The following ZHX3 variants were observed in gnomAD, a reference collection of about 807,000 sequenced individuals.
ZHX3 encodes the protein zinc fingers and homeoboxes 3.
ZHX3 carries 20 observed loss-of-function variants against 64.5 expected under a neutral mutation model. The ratio of observed to expected loss-of-function variants is 0.31; its 90% CI spans 0.22 to 0.45. The LOEUF (loss-of-function observed/expected upper bound fraction) is 0.45. Among genes scored for constraint, ZHX3 ranks in the 20% least tolerant of loss-of-function variants. The probability of loss-of-function intolerance (pLI) is 1.00; values close to 1 mark genes in which losing one functional copy is unlikely to be tolerated. For missense variants in ZHX3, 1,041 were observed against 1,195.8 expected (o/e 0.87, Z 1.91); for synonymous variants, 423 against 461.6 (o/e 0.92, Z 1.07).
intron 2 of ZHX3, among the ~76,000 whole-genome samples, chr20:41,262,066 A>T (rs1379226587): frequency 1.3e-5 from 2 of 152,104 alleles, no homozygotes; most frequent in Non-Finnish European, 2.9e-5. Flanking sequence ...AATCTCCACC[A>T]TGGCAGGCAT....
chr20:41,305,062 G>A (rs1487743262), intron 1 of ZHX3, among the ~76,000 whole-genome samples: 1 of 152,200 alleles, frequency 6.6e-6, no homozygotes, highest in Non-Finnish European at 1.5e-5. Context: ...ATATTTGAAT[G>A]TCTCAACAAC....
intron 1 of ZHX3, among the ~76,000 whole-genome samples, chr20:41,272,963 A>G (rs1049893353): frequency 2.4e-4 from 37 of 152,322 alleles, no homozygotes; most frequent in African/African-American, 8.7e-4. Context: ...TGTTTCCCAC[A>G]GTGGCTTCAA....
intron 1 of ZHX3, among the ~76,000 whole-genome samples, chr20:41,306,755 C>T (rs190209224): frequency 2.1e-4 from 32 of 152,344 alleles, no homozygotes; most frequent in Admixed American, 3.9e-4. Flanking sequence ...ATGCTATCTT[C>T]TGTGAACTAT....
At chr20:41,214,973 G>GGGCCAGA (rs1568838723) in intron 2 of ZHX3, among the ~76,000 whole-genome samples, 1 of 152,134 alleles carries the variant, frequency 6.6e-6, no homozygotes, top group Admixed American at 6.5e-5. Context: ...TCTTTAAATG[G>GGGCCAGA]GGCCAGAGCA....
chr20:41,228,249 G>A lies in ZHX3; in HGVS notation c.-150-23183C>T, dbSNP rs1186659902. Reference sequence around the variant, plus strand: ...AGTTCCAAATCCATTACTTCCAACTGCCATTGATCCCTGCAGGTTTTAAAA... The same window carrying A: ...AGTTCCAAATCCATTACTTCCAACTACCATTGATCCCTGCAGGTTTTAAAA... On this transcript the variant is annotated intron_variant, in intron 2 of 3. Transcript: ENST00000683867. This position sits in a 1 kb window ranked among gnomAD's most constrained non-coding sequence, Gnocchi z 4.6. Among the ~76,000 whole-genome samples the A allele has an allele frequency of 6.6e-6, 1 of 152,070 alleles. No homozygotes were observed. Among genetic ancestry groups the A allele is most frequent in the Admixed American group, 6.6e-5 (1 of 15,260 alleles).
chr20:41,233,678 A>G (rs999995894), intron 2 of ZHX3, among the ~76,000 whole-genome samples: 1 of 152,238 alleles, frequency 6.6e-6, no homozygotes, highest in African/African-American at 2.4e-5. Flanking sequence ...AAGGCTCTAC[A>G]TGCCAAGAAC....
At chr20:41,231,347 C>T (rs1223483226) in intron 2 of ZHX3, among the ~76,000 whole-genome samples, 1 of 152,168 alleles carries the variant, frequency 6.6e-6, no homozygotes, top group African/African-American at 2.4e-5. Context: ...TCACTCAAGT[C>T]CAAGCCTGGT....
chr20:41,252,048 CTG>C (rs1296910692), intron 2 of ZHX3, among the ~76,000 whole-genome samples: 9 of 152,128 alleles, frequency 5.9e-5, no homozygotes, highest in African/African-American at 2.2e-4. Flanking sequence ...TTCAAGATAA[CTG>C]TATTGCTGCC....
Position 41,203,375 on chromosome 20 carries a change from A to C in ZHX3, c.1542T>G (p.Cys514Trp). Residue 514 changes from cysteine (C) to tryptophan (W), a missense_variant, in exon 3 of 4, where the codon TGT becomes TGG. Coordinates refer to ENST00000683867, the MANE Select transcript of ZHX3 (RefSeq NM_001384317.1). This position sits in a 1 kb window ranked among gnomAD's most constrained non-coding sequence, Gnocchi z 7.1. ...EQLSALKGSF[C>W]RNQFPGQSEV... ...CGCTCTGCCCTGGGAACTGGTTCCG[A>C]CAGAAGCTCCCTTTCAGAGCTGACA... The C allele has an allele frequency of 6.2e-7, 1 of 1,614,154 alleles. No individual in the cohort carries two copies. The highest frequency in any genetic ancestry group is 8.5e-7 in the Non-Finnish European group (1 of 1,180,024).
chr20:41,206,301 C>T (rs779240219), intron 2 of ZHX3, among the ~76,000 whole-genome samples: 15 of 152,148 alleles, frequency 9.9e-5, no homozygotes, highest in Non-Finnish European at 1.8e-4. Flanking sequence ...TGGAGAATGG[C>T]TTTGATGAGT....
At chr20:41,199,124 TG>T (rs1355719778) in intron 3 of ZHX3, among the ~76,000 whole-genome samples, 4 of 152,188 alleles carry the variant, frequency 2.6e-5, no homozygotes, top group African/African-American at 9.7e-5. Flanking sequence ...TGTTCATGCA[TG>T]GTTTTCCTGA....
chr20:41,286,733 CAG>C (rs1256186167), intron 1 of ZHX3, among the ~76,000 whole-genome samples: 3 of 152,190 alleles, frequency 2.0e-5, no homozygotes, highest in Non-Finnish European at 4.4e-5. Flanking sequence ...CTGGTAATCA[CAG>C]AGTTTTGCTC....
intron 2 of ZHX3, among the ~76,000 whole-genome samples, chr20:41,236,731 A>G (rs1450046692): frequency 6.6e-6 from 1 of 152,216 alleles, no homozygotes; most frequent in Non-Finnish European, 1.5e-5. Context: ...CATGTCTAAA[A>G]CACCAAAAGC....
chr20:41,228,952 T>A lies in ZHX3; in HGVS notation c.-150-23886A>T, dbSNP rs1246739336. On this transcript the variant is annotated intron_variant, in intron 2 of 3. Transcript: ENST00000683867. The surrounding 1 kb of genome is among the most constrained non-coding windows in gnomAD (Gnocchi z 4.6). ...ATCTTAATCATTTTTAGGTGGAGAG[T>A]TCAGTAGCATTAAGTATTAACACAG... is the stretch of plus-strand genomic sequence containing the variant. Among the ~76,000 whole-genome samples the A allele has an allele frequency of 1.3e-5, 2 of 151,788 alleles. No individual in the cohort carries two copies. Among genetic ancestry groups the A allele is most frequent in the South Asian group, 4.2e-4 (2 of 4,804 alleles).
chr20:41,315,227 G>A (rs1037685168), intron 1 of ZHX3, among the ~76,000 whole-genome samples: 2 of 152,040 alleles, frequency 1.3e-5, no homozygotes, highest in Non-Finnish European at 2.9e-5. Flanking sequence ...CTGTCTCCCA[G>A]GCTGGAGTGC....
At chr20:41,218,272 C>T (rs757199250) in intron 2 of ZHX3, among the ~76,000 whole-genome samples, 1 of 151,994 alleles carries the variant, frequency 6.6e-6, no homozygotes, top group African/African-American at 2.4e-5. Context: ...AAGGAGACTC[C>T]GTCTCTACAA....
intron 3 of ZHX3, among the ~76,000 whole-genome samples, chr20:41,197,824 T>C (rs540110575): frequency 3.9e-5 from 6 of 152,296 alleles, no homozygotes; most frequent in Non-Finnish European, 7.4e-5. Flanking sequence ...ACTAATTTGT[T>C]AGTTTTACTA....
chr20:41,285,727 C>T (rs2043904584), intron 1 of ZHX3, among the ~76,000 whole-genome samples: 1 of 152,200 alleles, frequency 6.6e-6, no homozygotes, highest in African/African-American at 2.4e-5. Context: ...CTTGTTTTAG[C>T]CGTGCTGTTC....
chr20:41,283,270 T>A (rs1444666965), intron 1 of ZHX3, among the ~76,000 whole-genome samples: 2 of 152,084 alleles, frequency 1.3e-5, no homozygotes, highest in Non-Finnish European at 2.9e-5. Flanking sequence ...TGCCAGTGAT[T>A]TTCTATACCC....
Sources: gnomAD v4.1 joint callset for allele counts (sites outside exome capture counted in the v4.1 genomes callset) on GRCh38, gnomAD v4.1.1 for gene constraint, Gnocchi (gnomAD v3.1) non-coding constraint, MANE v1.5 for transcripts, NCBI Gene and HGNC (gene_info 2026-07-23, HGNC 2026-07-21) for gene names.